Variants in RHBDL2 observed in about 807,000 individuals in gnomAD.
RHBDL2 encodes rhomboid like 2.
In RHBDL2, 26 loss-of-function variants were observed where a neutral mutation model predicts 31.7. That is an observed-to-expected ratio of 0.82 (90% confidence interval 0.60 to 1.14). The LOEUF is 1.14. RHBDL2 is among the 50% of genes most tolerant of loss of function. RHBDL2 has a pLI of 0.00. For synonymous variants in RHBDL2, 123 were observed against 127.2 expected (o/e 0.97, Z 0.22); for missense variants, 336 against 364.4 (o/e 0.92, Z 0.63).
At chr1:38,913,081 C>A (rs1643179478) in intron 3 of RHBDL2, among the ~76,000 whole-genome samples, 1 of 151,062 alleles carries the variant, frequency 6.6e-6, no homozygotes. Context: ...CTCCTGGGTT[C>A]AAACGATTCT....
intron 5 of RHBDL2, 52 bp from the exon 6 acceptor site, chr1:38,893,276 C>A: frequency 1.2e-6 from 1 of 851,226 alleles, no homozygotes; most frequent in Non-Finnish European, 2.0e-6. Context: ...ACAAATGAAA[C>A]CTCAACTCTA....
chr1:38,897,156 A>G (rs971898051), intron 4 of RHBDL2, among the ~76,000 whole-genome samples: 8 of 149,902 alleles, frequency 5.3e-5, no homozygotes, highest in African/African-American at 2.0e-4. Context: ...GCTGGAGTGC[A>G]GTGGCGTGAT....
intron 4 of RHBDL2, among the ~76,000 whole-genome samples, chr1:38,910,052 C>A (rs1466589679): frequency 6.6e-6 from 1 of 152,200 alleles, no homozygotes; most frequent in Non-Finnish European, 1.5e-5. Flanking sequence ...ATGCAACAAC[C>A]TAGATGAATC....
intron 1 of RHBDL2, chr1:38,925,928 G>A (rs1014368218): frequency 4.7e-6 from 6 of 1,263,750 alleles, no homozygotes; most frequent in Non-Finnish European, 6.2e-6. Context: ...TTTATAATGG[G>A]CCTTTGGGAG....
rs763754794 is a variant in RHBDL2 at position 38,918,969 on chromosome 1, C to T, written c.244G>A (p.Glu82Lys). The change falls in exon 2 of 8, where the codon GAG becomes AAG. Residue 82 changes from glutamate (E) to lysine (K), a missense_variant and splice_region_variant. Physicochemically the swap from Glu to Lys is moderately conservative, Grantham distance 56 (BLOSUM62 1). Transcript: ENST00000372990. ...TGCCCACCCCGCTCCCCATTCACCT[C>T]GGCCAGGCTGATGGAGATGATGAAC... ...PVFIISISLA[E>K]LAVFIYYAVW... 32 of 1,611,216 alleles carry T rather than the reference C, an allele frequency of 2.0e-5. No homozygotes were observed. Among genetic ancestry groups the T allele is most frequent in the Middle Eastern group, 1.6e-4 (1 of 6,072 alleles).
chr1:38,927,917 G>T (rs1315682792), intron 1 of RHBDL2, among the ~76,000 whole-genome samples: 1 of 151,948 alleles, frequency 6.6e-6, no homozygotes. Context: ...AGCTAATAAG[G>T]GGAGGGCTGG....
At position 38,888,041 on chromosome 1, in the gene RHBDL2, C is replaced by G. The variant is rs781020795; in HGVS notation, c.671-17G>C. The stretch of plus-strand genomic sequence containing the variant: ...CCAACACAACTAGAAGGAAAAACAC[C>G]CTGATAAAGGCTCAGAATCTCCACA... On this transcript the variant is annotated splice_polypyrimidine_tract_variant and intron_variant, in intron 6 of 7. Transcript: ENST00000372990. The G allele has an allele frequency of 6.3e-7, 1 of 1,594,522 alleles. No homozygotes were observed. Among genetic ancestry groups the G allele is most frequent in the Non-Finnish European group, 8.6e-7 (1 of 1,163,756 alleles).
chr1:38,887,238 G>C (rs1399354776), intron 7 of RHBDL2, among the ~76,000 whole-genome samples: 1 of 151,982 alleles, frequency 6.6e-6, no homozygotes, highest in Non-Finnish European at 1.5e-5. Flanking sequence ...TTTTTGAAAT[G>C]GGGTCTCAAC....
intron 3 of RHBDL2, among the ~76,000 whole-genome samples, chr1:38,911,727 C>T (rs910648520): frequency 4.0e-5 from 6 of 151,758 alleles, no homozygotes; most frequent in African/African-American, 1.5e-4. Context: ...AGAACCTCTG[C>T]CTCAAGGGTT....
intron 1 of RHBDL2, among the ~76,000 whole-genome samples, chr1:38,932,231 T>G (rs991529888): frequency 6.7e-6 from 1 of 149,020 alleles, no homozygotes; most frequent in African/African-American, 2.5e-5. Context: ...GTTGCCTGAT[T>G]TAAAAAAAAA....
intron 4 of RHBDL2, among the ~76,000 whole-genome samples, chr1:38,901,472 A>G (rs1417754429): frequency 2.6e-5 from 4 of 151,310 alleles, no homozygotes; most frequent in South Asian, 2.1e-4. Flanking sequence ...AAAAAAAAAA[A>G]AAAGAAAGAA....
rs553165449 is a variant in RHBDL2, at chr1:38,911,076, T to A, written c.508+246A>T. On this transcript the variant is annotated intron_variant, in intron 4 of 7. Coordinates refer to ENST00000372990, the MANE Select transcript of RHBDL2 (RefSeq NM_017821.5). ...TTACAGGCAGGAGCGCCAGGCATAC[T>A]TGCAATTTCAATTATGCAAAACCCT... Among the ~76,000 whole-genome samples the A allele has an allele frequency of 1.1e-4, 16 of 152,136 alleles. No homozygotes were observed. In the South Asian group the frequency reaches 3.1e-3, roughly 30 times the overall value.
intron 1 of RHBDL2, among the ~76,000 whole-genome samples, chr1:38,929,921 G>T (rs987026252): frequency 6.6e-6 from 1 of 152,108 alleles, no homozygotes; most frequent in African/African-American, 2.4e-5. Flanking sequence ...GTTTTCTTTT[G>T]GCTGCATTTC....
chr1:38,919,133 T>C lies in RHBDL2; in HGVS notation c.80A>G (p.Glu27Gly). Reference sequence around the variant, plus strand: ...TCCCCCATCCTCTCTCATTTTCTCCTCTTCCTCCAGCTCTTCTTTCATCTC... The same window carrying C: ...TCCCCCATCCTCTCTCATTTTCTCCCCTTCCTCCAGCTCTTCTTTCATCTC... ...GREMKEELEE[E>G]EKMREDGGGK... is the part of the protein sequence containing the mutation. The change falls in exon 2 of 8, where the codon GAG becomes GGG. Residue 27 changes from glutamate to glycine, a missense_variant. Glu to Gly is a moderately conservative substitution (Grantham distance 98). Coordinates refer to ENST00000372990, the MANE Select transcript of RHBDL2 (RefSeq NM_017821.5). The C allele has an allele frequency of 6.2e-7, 1 of 1,614,172 alleles. No individual in the cohort carries two copies. Among genetic ancestry groups the C allele is most frequent in the Non-Finnish European group, 8.5e-7 (1 of 1,180,038 alleles).
At chr1:38,927,835 G>C (rs1242389643) in intron 1 of RHBDL2, among the ~76,000 whole-genome samples, 1 of 152,168 alleles carries the variant, frequency 6.6e-6, no homozygotes, top group African/African-American at 2.4e-5. Flanking sequence ...ACTTTGTAAA[G>C]CAGGGTAATA....
intron 1 of RHBDL2, chr1:38,929,340 A>G: frequency 1.6e-6 from 2 of 1,224,822 alleles, no homozygotes; most frequent in South Asian, 1.3e-5. Context: ...ACAAGCGTCC[A>G]GGACGGGAAA....
chr1:38,901,811 G>A (rs1642993324), intron 4 of RHBDL2, among the ~76,000 whole-genome samples: 2 of 151,122 alleles, frequency 1.3e-5, no homozygotes, highest in African/African-American at 4.8e-5. Context: ...CAGCCTGGGT[G>A]ACAGAGCGAG....
rs1643276202 is a variant in RHBDL2 at position 38,919,088 on chromosome 1, C to T, written c.125G>A (p.Ser42Asn). Residue 42 changes from serine to asparagine, a missense_variant, in exon 2 of 8, where the codon AGT becomes AAT. Coordinates refer to ENST00000372990, the MANE Select transcript of RHBDL2 (RefSeq NM_017821.5). ...TGAGACAATCCTGTGGACCTTTTTA[C>T]TCTTGGCCCGATCTTTACCTCCCCC... ...EDGGGKDRAKSKKVHRIVSKW... is the reference protein window; with the variant it reads ...EDGGGKDRAKNKKVHRIVSKW... The T allele has an allele frequency of 1.9e-6, 3 of 1,614,048 alleles. No homozygotes were observed. Among genetic ancestry groups the T allele is most frequent in the Admixed American group, 3.3e-5 (2 of 59,990 alleles).
At chr1:38,902,641 C>T (rs1000093054) in intron 4 of RHBDL2, among the ~76,000 whole-genome samples, 1 of 151,944 alleles carries the variant, frequency 6.6e-6, no homozygotes, top group African/African-American at 2.4e-5. Context: ...GGGCTGGTCT[C>T]GAACTCCTGA....
Sources: allele counts gnomAD v4.1 joint callset (sites outside exome capture counted in the v4.1 genomes callset), GRCh38; gene constraint gnomAD v4.1.1; transcripts MANE v1.5; gene names NCBI Gene and HGNC (gene_info 2026-07-23, HGNC 2026-07-21).